PPP1R21: variants seen among roughly 807,000 people sequenced by gnomAD.
PPP1R21 encodes the protein KLRAQ motif containing 1.
PPP1R21 carries 85 observed loss-of-function variants against 112.8 expected under a neutral mutation model. The ratio of observed to expected loss-of-function variants is 0.75; its 90% CI spans 0.63 to 0.90. The LOEUF is 0.90. PPP1R21 is among the 40% of genes least tolerant of loss of function. The pLI is 0.00. For missense variants in PPP1R21, 1,199 were observed against 901.5 expected (o/e 1.33, Z -4.23); for synonymous variants, 381 against 322.3 (o/e 1.18, Z -1.95).
At chr2:48,511,846 G>A (rs772052219) in intron 21 of PPP1R21, among the ~76,000 whole-genome samples, 2 of 152,192 alleles carry the variant, frequency 1.3e-5, no homozygotes, top group South Asian at 2.1e-4. Flanking sequence ...ACTCCAGCCT[G>A]TGCGACAGAG....
At chr2:48,501,155 A>C (rs1345297513) in intron 17 of PPP1R21, among the ~76,000 whole-genome samples, 1 of 152,208 alleles carries the variant, frequency 6.6e-6, no homozygotes, top group Non-Finnish European at 1.5e-5. Context: ...AAATGAGGTA[A>C]TGAGAGGGAC....
rs369157117 is a variant in PPP1R21, at chr2:48,510,118, G to A, written c.2184+5G>A. ...CAGAACATCAGCAGACTTCAGGTGA[G>A]TTAAGTGTTACCTGAATGGTTTTAA... is the stretch of plus-strand genomic sequence containing the variant. On this transcript the variant is annotated splice_donor_5th_base_variant and intron_variant, in intron 20 of 21. Coordinates refer to ENST00000294952, the MANE Select transcript of PPP1R21 (RefSeq NM_001135629.3). The A allele has an allele frequency of 7.8e-5, 125 of 1,600,876 alleles. No individual in the cohort carries two copies. Among genetic ancestry groups the A allele is most frequent in the Middle Eastern group, 1.6e-4 (1 of 6,068 alleles).
chr2:48,483,573 C>G (rs992784482), intron 13 of PPP1R21, among the ~76,000 whole-genome samples: 2 of 152,190 alleles, frequency 1.3e-5, no homozygotes, highest in Admixed American at 1.3e-4. Flanking sequence ...AGAGGCATCA[C>G]GTTAACTGAC....
chr2:48,454,320 A>G (rs1334016613), intron 2 of PPP1R21, among the ~76,000 whole-genome samples: 1 of 152,162 alleles, frequency 6.6e-6, no homozygotes, highest in Non-Finnish European at 1.5e-5. Flanking sequence ...TGTAGCCTCA[A>G]TCTTTGTGTC....
chr2:48,499,125 T>G, intron 17 of PPP1R21, among the ~76,000 whole-genome samples: 1 of 137,950 alleles, frequency 7.2e-6, no homozygotes, highest in African/African-American at 2.6e-5. Flanking sequence ...ACGTAGGATA[T>G]TGGGGGTGGG....
Position 48,464,934 on chromosome 2 carries a change from T to C in PPP1R21, c.695-3T>C, listed in dbSNP as rs1263911679. ...CTTAATGTACATTATTTTTCTTCTG[T>C]AGAATATAGTCAGTACAACGCTCTG... On this transcript the variant is annotated splice_polypyrimidine_tract_variant and splice_region_variant and intron_variant, in intron 7 of 21. Coordinates refer to ENST00000294952, the MANE Select transcript of PPP1R21 (RefSeq NM_001135629.3). The C allele has an allele frequency of 3.2e-6, 5 of 1,563,952 alleles. No individual in the cohort carries two copies. The highest frequency in any genetic ancestry group is 2.8e-5 in the African/African-American group (2 of 70,836).
At position 48,480,012 on chromosome 2, in the gene PPP1R21, G is replaced by A. The variant is rs1324229431; in HGVS notation, c.1314G>A (p.Met438Ile). 2 of 1,602,924 alleles carry A rather than the reference G, an allele frequency of 1.2e-6. No individual in the cohort carries two copies. The highest frequency in any genetic ancestry group is 1.7e-5 in the Admixed American group (1 of 60,016). Residue 438 changes from methionine (M) to isoleucine (I), a missense_variant, in exon 13 of 22, where the codon ATG (methionine) becomes ATA (isoleucine). Transcript: ENST00000294952. ...GAALHGFHDVMKDISKHYSQK... is the reference protein window; with the variant it reads ...GAALHGFHDVIKDISKHYSQK... ...CTCTGCATGGATTTCATGACGTTAT[G>A]AAAGGTAGGCCTTGAAAAAGAACGT... is the stretch of plus-strand genomic sequence containing the variant.
intron 17 of PPP1R21, among the ~76,000 whole-genome samples, chr2:48,502,535 GTCT>G (rs1670166259): frequency 6.6e-6 from 1 of 151,976 alleles, no homozygotes; most frequent in Non-Finnish European, 1.5e-5. Context: ...TGTCTTTTCT[GTCT>G]TCTTCCTCTT....
intron 16 of PPP1R21, among the ~76,000 whole-genome samples, chr2:48,498,112 G>A (rs947363609): frequency 6.6e-6 from 1 of 151,358 alleles, no homozygotes; most frequent in African/African-American, 2.4e-5. Context: ...TTTTTTGTTG[G>A]GTTTTTTTTT....
chr2:48,469,282 T>TGTGTGC (rs1668353029), intron 9 of PPP1R21, among the ~76,000 whole-genome samples: 1 of 46,566 alleles, frequency 2.1e-5, no homozygotes, highest in Non-Finnish European at 4.6e-5. Flanking sequence ...TGTGTGTGTG[T>TGTGTGC]GTGTGTGTGT....
chr2:48,512,480 G>A (rs1022762053), intron 21 of PPP1R21, among the ~76,000 whole-genome samples: 5 of 147,400 alleles, frequency 3.4e-5, no homozygotes, highest in African/African-American at 1.3e-4. Flanking sequence ...TTGTGATTCA[G>A]CAGGCATTTA....
In PPP1R21 at chr2:48,507,285, C is replaced by T. The variant is rs1670426012; in HGVS notation, c.1985C>T (p.Ser662Phe). The part of the protein sequence containing the change: ...TSDSEVPDVE[S>F]REDLIKNHYM... The stretch of plus-strand genomic sequence containing the variant: ...TCTATTTAGGTTCCAGATGTGGAAT[C>T]TCGTGAAGACTTAATTAAAAATCAC... Residue 662 changes from serine (S) to phenylalanine (F), a missense_variant, in exon 19 of 22, where the codon TCT (serine) becomes TTT (phenylalanine). Transcript: ENST00000294952. The T allele has an allele frequency of 1.3e-6, 2 of 1,544,950 alleles. No homozygotes were observed. The highest frequency in any genetic ancestry group is 1.4e-5 in the African/African-American group (1 of 70,090).
chr2:48,475,367 T>C (rs796373870), intron 12 of PPP1R21, among the ~76,000 whole-genome samples: 1 of 152,088 alleles, frequency 6.6e-6, no homozygotes, highest in African/African-American at 2.4e-5. Context: ...AAATAAGTAA[T>C]AAAAATAAAT....
chr2:48,498,761 G>C (rs778924610), intron 17 of PPP1R21, 26 bp downstream of exon 17: 1 of 1,607,172 alleles, frequency 6.2e-7, no homozygotes, highest in Non-Finnish European at 8.5e-7. Context: ...GTTGTCCTCA[G>C]TTTTCTTTTT....
intron 15 of PPP1R21, among the ~76,000 whole-genome samples, chr2:48,492,496 T>C (rs1669615520): frequency 6.6e-6 from 1 of 152,226 alleles, no homozygotes; most frequent in Admixed American, 6.5e-5. Flanking sequence ...AATATGGATG[T>C]TCCATAGTTT....
Position 48,490,218 on chromosome 2 carries a change from C to CA in PPP1R21, c.1447-779dup, listed in dbSNP as rs70943343. ...TGGGCAACAGAGTGAGACGCCGACT[C>CA]AAAAAAAAAAAAAAAAAAAAAGAAA... On this transcript the variant is annotated intron_variant, in intron 14 of 21. Transcript: ENST00000294952. Among the ~76,000 whole-genome samples, 29 of 93,926 alleles carry CA rather than the reference C, an allele frequency of 3.1e-4. 1 individual carries two copies. In the East Asian group the frequency reaches 4.3e-3, roughly 14 times the overall value. 61.6% of individuals were successfully genotyped at this position (93,926 alleles called of 152,430 possible). A position where few individuals can be genotyped will look rare whatever the true frequency, so the allele number is the denominator to read the frequency against.
chr2:48,509,886 T>G (rs959125630), intron 19 of PPP1R21, 129 bp from the exon 20 acceptor site: 1 of 598,916 alleles, frequency 1.7e-6, no homozygotes, highest in African/African-American at 1.8e-5. Flanking sequence ...CCTATAGGTA[T>G]TCAACAGATT....
intron 1 of PPP1R21, chr2:48,441,501 A>G (rs1024448567): frequency 1.2e-4 from 23 of 194,616 alleles, no homozygotes; most frequent in Admixed American, 3.9e-4. Context: ...AAACTGCTTC[A>G]CTAGGGATGG....
chr2:48,509,784 G>A (rs756762427), intron 19 of PPP1R21, among the ~76,000 whole-genome samples: 1 of 152,126 alleles, frequency 6.6e-6, no homozygotes, highest in Non-Finnish European at 1.5e-5. Context: ...AAAAAACATT[G>A]ATCTTAAGTT....
Sources: allele counts gnomAD v4.1 joint callset (sites outside exome capture counted in the v4.1 genomes callset), GRCh38; gene constraint gnomAD v4.1.1; transcripts MANE v1.5; gene names NCBI Gene and HGNC (gene_info 2026-07-23, HGNC 2026-07-21).